Variants in SCAND3 observed in about 807,000 individuals in gnomAD.
SCAND3 encodes SCAN domain containing 3, also known as SCAN domain-containing protein 3.
the SCAND3 span, among the ~76,000 whole-genome samples, chr6:28,614,053 T>C: frequency 6.6e-6 from 1 of 151,812 alleles, no homozygotes; most frequent in Admixed American, 6.6e-5. Flanking sequence ...AACCTCTGCC[T>C]CCCAGGTTCA....
At chr6:28,584,718 T>C in the SCAND3 span, among the ~76,000 whole-genome samples, 1 of 152,196 alleles carries the variant, frequency 6.6e-6, no homozygotes, top group African/African-American at 2.4e-5. Flanking sequence ...AGTAAAAATC[T>C]GAGCCAGGGG....
chr6:28,575,825 C>A, the SCAND3 span: 2 of 1,613,810 alleles, frequency 1.2e-6, no homozygotes, highest in Non-Finnish European at 1.7e-6. The surrounding 1 kb of genome is among the most constrained non-coding windows in gnomAD (Gnocchi z 4.2). Flanking sequence ...TTATCTGTTT[C>A]CCCATTTACA....
the SCAND3 span, among the ~76,000 whole-genome samples, chr6:28,602,511 T>G: frequency 1.3e-5 from 2 of 152,124 alleles, no homozygotes; most frequent in Non-Finnish European, 2.9e-5. Flanking sequence ...CCCAGCCTCT[T>G]TTTGCCTAAA....
the SCAND3 span, among the ~76,000 whole-genome samples, chr6:28,592,685 G>A: frequency 5.9e-5 from 9 of 152,282 alleles, no homozygotes; most frequent in Non-Finnish European, 1.2e-4. The surrounding 1 kb of genome is among the most constrained non-coding windows in gnomAD (Gnocchi z 4.1). Context: ...ATTATAAAGT[G>A]ATTGTAATAA....
the SCAND3 span, among the ~76,000 whole-genome samples, chr6:28,601,393 C>G: frequency 6.6e-6 from 1 of 152,176 alleles, no homozygotes; most frequent in Non-Finnish European, 1.5e-5. Context: ...AGTCATTACA[C>G]CATTCTCTCT....
chr6:28,582,820 G>A, the SCAND3 span, among the ~76,000 whole-genome samples: 1 of 152,014 alleles, frequency 6.6e-6, no homozygotes, highest in African/African-American at 2.4e-5. This position sits in a 1 kb window ranked among gnomAD's most constrained non-coding sequence, Gnocchi z 4.8. Flanking sequence ...TACTTAGGAG[G>A]CTGAGGCAGG....
chr6:28,579,421 T>G, the SCAND3 span: 1 of 1,609,194 alleles, frequency 6.2e-7, no homozygotes, highest in South Asian at 1.1e-5. The surrounding 1 kb of genome is among the most constrained non-coding windows in gnomAD (Gnocchi z 4.5). Context: ...CTGTGAGACC[T>G]GTGGACAAGT....
At chr6:28,574,672 G>A in the SCAND3 span, 1 of 1,613,768 alleles carries the variant, frequency 6.2e-7, no homozygotes, top group Non-Finnish European at 8.5e-7. Flanking sequence ...TGGTGAAAAT[G>A]GTGTCCCTGA....
chr6:28,571,797 T>A, the SCAND3 span: 5 of 1,349,060 alleles, frequency 3.7e-6, no homozygotes, highest in Non-Finnish European at 4.9e-6. Context: ...TAACTTCTCA[T>A]ACTTCCATAA....
the SCAND3 span, among the ~76,000 whole-genome samples, chr6:28,602,308 A>G: frequency 6.6e-6 from 1 of 152,092 alleles, no homozygotes. Flanking sequence ...CTCCCGGGTC[A>G]AGTGATTCTC....
the SCAND3 span, chr6:28,589,423 A>G: frequency 3.0e-4 from 45 of 151,650 alleles, no homozygotes; most frequent in African/African-American, 9.5e-4. Context: ...TGAATCCAGC[A>G]ATCCGAGTTC....
chr6:28,608,928 G>C, the SCAND3 span, among the ~76,000 whole-genome samples: 1 of 151,948 alleles, frequency 6.6e-6, no homozygotes, highest in Admixed American at 6.6e-5. Flanking sequence ...AGGAGGTTAA[G>C]ACTGCAGTGA....
At chr6:28,596,097 A>G in the SCAND3 span, among the ~76,000 whole-genome samples, 7 of 152,222 alleles carry the variant, frequency 4.6e-5, no homozygotes, top group African/African-American at 1.7e-4. Context: ...CAGCAAACTC[A>G]CTTTTAAAAA....
the SCAND3 span, among the ~76,000 whole-genome samples, chr6:28,610,933 C>A: frequency 6.6e-6 from 1 of 152,070 alleles, no homozygotes; most frequent in Non-Finnish European, 1.5e-5. Flanking sequence ...TCCCTTAGTG[C>A]TCAATTTAAA....
the SCAND3 span, among the ~76,000 whole-genome samples, chr6:28,582,904 G>C: frequency 6.6e-6 from 1 of 152,020 alleles, no homozygotes; most frequent in Non-Finnish European, 1.5e-5. This position sits in a 1 kb window ranked among gnomAD's most constrained non-coding sequence, Gnocchi z 4.8. Flanking sequence ...CCTGGGGACA[G>C]AGTGAGACTC....
the SCAND3 span, among the ~76,000 whole-genome samples, chr6:28,585,788 C>A: frequency 6.6e-6 from 1 of 152,096 alleles, no homozygotes; most frequent in Non-Finnish European, 1.5e-5. Context: ...ACTGTAATGG[C>A]AAAAAGCTTT....
chr6:28,602,483 C>T, the SCAND3 span, among the ~76,000 whole-genome samples: 11 of 152,346 alleles, frequency 7.2e-5, no homozygotes, highest in East Asian at 1.9e-3. Context: ...GCTGGGATTA[C>T]AGGCGTGAGC....
chr6:28,583,441 T>C, the SCAND3 span, among the ~76,000 whole-genome samples: 4 of 152,110 alleles, frequency 2.6e-5, no homozygotes, highest in African/African-American at 9.7e-5. Flanking sequence ...GATATAATCA[T>C]CAAAAATCCA....
the SCAND3 span, chr6:28,573,280 G>A: frequency 1.9e-6 from 3 of 1,613,946 alleles, no homozygotes; most frequent in Non-Finnish European, 2.5e-6. Context: ...GGTGTCATTG[G>A]AAAGTGGTAC....
Sources: gnomAD v4.1 joint callset for allele counts (sites outside exome capture counted in the v4.1 genomes callset) on GRCh38, gnomAD v4.1.1 for gene constraint, Gnocchi (gnomAD v3.1) non-coding constraint, MANE v1.5 for transcripts, NCBI Gene and HGNC (gene_info 2026-07-23, HGNC 2026-07-21) for gene names.